Variants in CHODL observed in about 807,000 individuals in gnomAD.
CHODL encodes the protein transmembrane protein MT75.
CHODL carries 29 observed loss-of-function variants against 34.5 expected under a neutral mutation model. The ratio of observed to expected loss-of-function variants is 0.84; its 90% CI spans 0.63 to 1.15. CHODL has a LOEUF of 1.15. Ranked by LOEUF, CHODL falls within the 50% of genes most tolerant of loss-of-function variation. The probability of loss-of-function intolerance (pLI) is 0.00; values close to 1 mark genes in which losing one functional copy is unlikely to be tolerated. For missense variants in CHODL, 332 were observed against 332.5 expected, an observed-to-expected ratio of 1.00 and a Z score of 0.01; for synonymous variants, 125 against 116.1, an observed-to-expected ratio of 1.08 and a Z score of -0.49.
intron 1 of CHODL, among the ~76,000 whole-genome samples, chr21:17,983,357 A>G (rs1486507009): frequency 6.6e-6 from 1 of 152,204 alleles, no homozygotes; most frequent in South Asian, 2.1e-4. Context: ...TCATACATAC[A>G]TCTTGTGACC....
At chr21:17,946,089 A>T (rs904019565) in intron 1 of CHODL, among the ~76,000 whole-genome samples, 8 of 152,180 alleles carry the variant, frequency 5.3e-5, no homozygotes, top group African/African-American at 1.7e-4. Flanking sequence ...GCATTCCTAT[A>T]CATCAGTAAT....
At chr21:18,111,194 A>T (rs1424833163) in intron 2 of CHODL, among the ~76,000 whole-genome samples, 1 of 152,176 alleles carries the variant, frequency 6.6e-6, no homozygotes, top group Non-Finnish European at 1.5e-5. Flanking sequence ...GACTAATAAT[A>T]TATTCCCGTT....
At chr21:18,113,616 C>T (rs1486192654) in intron 2 of CHODL, among the ~76,000 whole-genome samples, 4 of 152,126 alleles carry the variant, frequency 2.6e-5, no homozygotes, top group East Asian at 1.9e-4. Context: ...TTTTAAACAA[C>T]GAGATCTTGT....
At chr21:18,248,009 C>CTT (rs3077959) in intron 1 of CHODL, among the ~76,000 whole-genome samples, 6,477 of 144,202 alleles carry the variant, frequency 0.045, 442 homozygotes, top group African/African-American at 0.16. Context: ...TAATGTGTTT[C>CTT]TTTTTTTTTT....
chr21:18,109,698 A>G (rs1601015692), intron 2 of CHODL, among the ~76,000 whole-genome samples: 1 of 152,138 alleles, frequency 6.6e-6, no homozygotes, highest in East Asian at 1.9e-4. Flanking sequence ...AGTGTTAAAT[A>G]AATAATTTTT....
intron 2 of CHODL, among the ~76,000 whole-genome samples, chr21:18,183,077 A>G (rs1054124370): frequency 1.3e-5 from 2 of 152,180 alleles, no homozygotes; most frequent in Admixed American, 6.5e-5. Context: ...AACCACTAAA[A>G]ACCTCATTCC....
intron 1 of CHODL, among the ~76,000 whole-genome samples, chr21:17,944,937 G>A (rs560392512): frequency 9.8e-5 from 15 of 152,306 alleles, no homozygotes; most frequent in African/African-American, 2.9e-4. Flanking sequence ...TAGGCCAGGC[G>A]CGGTGGCTTA....
chr21:18,265,571 G>C (rs1366661900), intron 5 of CHODL, among the ~76,000 whole-genome samples: 6 of 151,996 alleles, frequency 3.9e-5, no homozygotes, highest in Non-Finnish European at 7.4e-5. Context: ...ATTGGGTACA[G>C]TGTATACTAC....
At chr21:18,115,941 T>C (rs1370697581) in intron 2 of CHODL, among the ~76,000 whole-genome samples, 1 of 152,164 alleles carries the variant, frequency 6.6e-6, no homozygotes, top group African/African-American at 2.4e-5. Context: ...ACACGTTCAG[T>C]GGCATTGGAT....
intron 1 of CHODL, among the ~76,000 whole-genome samples, chr21:17,959,739 G>C (rs184019731): frequency 6.6e-6 from 1 of 152,232 alleles, no homozygotes; most frequent in Non-Finnish European, 1.5e-5. Flanking sequence ...TTTAGAGAAA[G>C]TAGGTCTTAT....
chr21:17,997,376 A>G (rs994964269), intron 1 of CHODL, among the ~76,000 whole-genome samples: 9 of 152,126 alleles, frequency 5.9e-5, no homozygotes, highest in African/African-American at 1.7e-4. Context: ...TCCTCCAGGG[A>G]CTTGCCAAAG....
chr21:17,958,197 C>T (rs2063506972), intron 1 of CHODL, among the ~76,000 whole-genome samples: 1 of 152,084 alleles, frequency 6.6e-6, no homozygotes, highest in Non-Finnish European at 1.5e-5. Flanking sequence ...ATTAAATTTC[C>T]TCATGGGCTT....
Position 18,118,380 on chromosome 21 carries a change from G to A in CHODL, c.-45+90409G>A, listed in dbSNP as rs559820692. Among the ~76,000 whole-genome samples the A allele has an allele frequency of 8.5e-5, 13 of 152,126 alleles. No individual in the cohort carries two copies. In the East Asian group the frequency reaches 2.1e-3, roughly 25 times the overall value. On this transcript the variant is annotated intron_variant, in intron 2 of 6. Coordinates refer to the CHODL transcript ENST00000400127. Reference sequence around the variant, plus strand: ...GACAGACAATGCATTCCAACCACTAGTCTCTCCTCAAAAATACTAATTAAC... The same window carrying A: ...GACAGACAATGCATTCCAACCACTAATCTCTCCTCAAAAATACTAATTAAC...
chr21:18,101,954 A>C (rs1309567815), intron 2 of CHODL, among the ~76,000 whole-genome samples: 1 of 152,148 alleles, frequency 6.6e-6, no homozygotes, highest in Non-Finnish European at 1.5e-5. Context: ...AAATAAGAAA[A>C]ATTTAAGGAG....
chr21:18,168,015 T>C (rs1427183051), intron 2 of CHODL, among the ~76,000 whole-genome samples: 1 of 152,178 alleles, frequency 6.6e-6, no homozygotes. Flanking sequence ...TGGCTGAGTC[T>C]TCTGGCCTCC....
At chr21:17,924,813 A>G (rs2063210503) in intron 1 of CHODL, among the ~76,000 whole-genome samples, 1 of 152,192 alleles carries the variant, frequency 6.6e-6, no homozygotes, top group Non-Finnish European at 1.5e-5. Flanking sequence ...CATCATATCC[A>G]CCTTGTAAAA....
At chr21:17,965,441 A>ATCCTCC (rs911153793) in intron 1 of CHODL, among the ~76,000 whole-genome samples, 5 of 151,246 alleles carry the variant, frequency 3.3e-5, no homozygotes, top group African/African-American at 7.3e-5. Flanking sequence ...CATTCCTTCC[A>ATCCTCC]TCCTCCTCCT....
intron 1 of CHODL, among the ~76,000 whole-genome samples, chr21:18,005,550 G>A (rs1322671327): frequency 6.6e-6 from 1 of 152,178 alleles, no homozygotes; most frequent in Admixed American, 6.5e-5. Flanking sequence ...TTGTGTTAAA[G>A]TTATTTGGAA....
chr21:18,163,312 T>C (rs984869880), intron 2 of CHODL, among the ~76,000 whole-genome samples: 27 of 152,234 alleles, frequency 1.8e-4, no homozygotes, highest in African/African-American at 6.3e-4. Flanking sequence ...ATATTAGTTT[T>C]GTAGCATCTT....
Sources: allele counts gnomAD v4.1 joint callset (sites outside exome capture counted in the v4.1 genomes callset), GRCh38; gene constraint gnomAD v4.1.1; transcripts MANE v1.5; gene names NCBI Gene and HGNC (gene_info 2026-07-23, HGNC 2026-07-21).